The following MAD1L1 variants were observed in gnomAD, a reference collection of about 807,000 sequenced individuals.
MAD1L1 encodes mitotic spindle assembly checkpoint protein MAD1.
MAD1L1 carries 95 observed loss-of-function variants against 96.9 expected under a neutral mutation model. That is an observed-to-expected ratio of 0.98 (90% CI 0.83 to 1.16). The LOEUF is 1.16. Ranked by LOEUF, MAD1L1 falls within the 50% of genes most tolerant of loss-of-function variation. The pLI is 0.00. For missense variants in MAD1L1, 1,007 were observed against 954.4 expected (o/e 1.06, Z -0.73); for synonymous variants, 473 against 396.6 (o/e 1.19, Z -2.29).
chr7:1,915,277 C>CA, intron 17 of MAD1L1, among the ~76,000 whole-genome samples: 1 of 152,258 alleles, frequency 6.6e-6, no homozygotes, highest in Non-Finnish European at 1.5e-5. Context: ...CACCTTGGAG[C>CA]GGAAGTGCTA....
Position 1,977,575 on chromosome 7 carries a change from G to A in MAD1L1, c.1505+2878C>T, listed in dbSNP as rs186306463. Among the ~76,000 whole-genome samples the A allele has an allele frequency of 1.6e-3, 239 of 152,392 alleles. 1 individual carries two copies. The highest frequency in any genetic ancestry group is 5.5e-3 in the African/African-American group (228 of 41,594). The stretch of plus-strand genomic sequence containing the variant: ...CAGAGAGGGGCTCCCACAGTGCAGT[G>A]GCAGGCTGAAGGGCTCCAAACAAAA... On this transcript the variant is annotated intron_variant, in intron 15 of 18. Transcript: ENST00000265854.
At chr7:2,155,293 A>T (rs1414092229) in intron 10 of MAD1L1, among the ~76,000 whole-genome samples, 2 of 152,198 alleles carry the variant, frequency 1.3e-5, no homozygotes, top group African/African-American at 4.8e-5. Flanking sequence ...CCGTGTTGGG[A>T]TGTTTTTAAT....
At chr7:2,155,851 G>C (rs780931219) in intron 10 of MAD1L1, among the ~76,000 whole-genome samples, 3 of 152,050 alleles carry the variant, frequency 2.0e-5, no homozygotes, top group Admixed American at 1.3e-4. Flanking sequence ...TCCCCTTTTC[G>C]GTTTTTCCGA....
At chr7:1,956,167 A>G (rs1779720124) in intron 16 of MAD1L1, among the ~76,000 whole-genome samples, 1 of 152,168 alleles carries the variant, frequency 6.6e-6, no homozygotes, top group East Asian at 1.9e-4. Flanking sequence ...CTGGGCATCC[A>G]GAGCCAGGGG....
chr7:1,865,899 C>G (rs1365542804), intron 18 of MAD1L1, among the ~76,000 whole-genome samples: 5 of 152,220 alleles, frequency 3.3e-5, no homozygotes, highest in African/African-American at 1.2e-4. Context: ...TAGTGAGCCA[C>G]TGGGCCCTCG....
chr7:1,874,184 G>A (rs1273293413), intron 18 of MAD1L1, among the ~76,000 whole-genome samples: 2 of 152,180 alleles, frequency 1.3e-5, no homozygotes, highest in Non-Finnish European at 2.9e-5. Context: ...GGCGCCAGAG[G>A]TCAGTGCAGC....
chr7:2,128,098 G>A (rs534030760), intron 11 of MAD1L1, among the ~76,000 whole-genome samples: 5 of 152,216 alleles, frequency 3.3e-5, no homozygotes, highest in South Asian at 2.1e-4. Context: ...GCTCTGGTCC[G>A]GCCTCATCCC....
At chr7:2,126,571 G>A (rs1180415875) in intron 11 of MAD1L1, among the ~76,000 whole-genome samples, 1 of 152,122 alleles carries the variant, frequency 6.6e-6, no homozygotes, top group Admixed American at 6.5e-5. Flanking sequence ...ACTAAGAATC[G>A]ACACAGGCCG....
Position 2,197,805 on chromosome 7 carries a change from T to C in MAD1L1, c.986+15407A>G, listed in dbSNP as rs373504366. ...CATCGGCTGCTGTCTGACACCTCCT[T>C]CTGGCTACATCACTGACACTTCAAA... On this transcript the variant is annotated intron_variant, in intron 10 of 18. Coordinates refer to ENST00000265854, the MANE Select transcript of MAD1L1 (RefSeq NM_001013836.2). 3.0e-4 allele frequency among the ~76,000 whole-genome samples: 46 copies of C among 152,284 alleles called. No individual in the cohort carries two copies. In the East Asian group the frequency reaches 8.3e-3, roughly 28 times the overall value.
intron 18 of MAD1L1, among the ~76,000 whole-genome samples, chr7:1,881,658 C>T (rs1005528364): frequency 2.6e-5 from 4 of 152,090 alleles, no homozygotes; most frequent in Non-Finnish European, 5.9e-5. Context: ...TTTAATTGAG[C>T]GTAAAATGCT....
chr7:2,068,367 A>G (rs1475324584), intron 12 of MAD1L1, among the ~76,000 whole-genome samples: 1 of 152,238 alleles, frequency 6.6e-6, no homozygotes, highest in African/African-American at 2.4e-5. Flanking sequence ...ATTTTCTAAA[A>G]GCTCCACAAC....
chr7:1,986,848 A>G (rs559162461), intron 14 of MAD1L1, among the ~76,000 whole-genome samples: 4 of 152,266 alleles, frequency 2.6e-5, no homozygotes, highest in South Asian at 4.1e-4. Flanking sequence ...CCTTAGACTC[A>G]TAAGTAAGCT....
At chr7:1,844,717 A>G (rs1007425538) in intron 18 of MAD1L1, among the ~76,000 whole-genome samples, 1 of 152,170 alleles carries the variant, frequency 6.6e-6, no homozygotes, top group Non-Finnish European at 1.5e-5. Context: ...GGCTTGGCAC[A>G]GGCCGGGCAC....
intron 12 of MAD1L1, among the ~76,000 whole-genome samples, chr7:2,049,477 G>A (rs151261120): frequency 8.9e-4 from 136 of 152,326 alleles, no homozygotes; most frequent in African/African-American, 3.0e-3. Flanking sequence ...ACCAGCTCAC[G>A]GGCCTTCTGA....
intron 12 of MAD1L1, among the ~76,000 whole-genome samples, chr7:2,017,008 A>G (rs1032968151): frequency 3.3e-5 from 5 of 152,274 alleles, no homozygotes; most frequent in African/African-American, 1.2e-4. Context: ...TTTATTGATC[A>G]GTAAATCTCT....
intron 18 of MAD1L1, among the ~76,000 whole-genome samples, chr7:1,860,130 C>T (rs12670100): frequency 0.038 from 5,330 of 140,798 alleles, 103 homozygotes; most frequent in African/African-American, 0.093. Flanking sequence ...CTAGACCTGA[C>T]ATCTGGCGGG....
At chr7:2,117,193 G>A (rs948758166) in intron 11 of MAD1L1, among the ~76,000 whole-genome samples, 11 of 152,328 alleles carry the variant, frequency 7.2e-5, no homozygotes, top group East Asian at 1.9e-4. Context: ...ACAGTCTAGC[G>A]GGCCCTGGGG....
At chr7:2,058,528 A>G (rs1292097951) in intron 12 of MAD1L1, among the ~76,000 whole-genome samples, 17 of 51,362 alleles carry the variant, frequency 3.3e-4, no homozygotes, top group South Asian at 1.2e-3. Flanking sequence ...GGAGAGGCGC[A>G]GGGCTGGAGA....
At chr7:2,112,579 G>A (rs1197410247) in intron 11 of MAD1L1, among the ~76,000 whole-genome samples, 3 of 152,236 alleles carry the variant, frequency 2.0e-5, no homozygotes, top group African/African-American at 4.8e-5. Flanking sequence ...GGATGGGTAA[G>A]TAAAACATGG....
Sources: gnomAD v4.1 joint callset for allele counts (sites outside exome capture counted in the v4.1 genomes callset) on GRCh38, gnomAD v4.1.1 for gene constraint, MANE v1.5 for transcripts, NCBI Gene and HGNC (gene_info 2026-07-23, HGNC 2026-07-21) for gene names.